TEX2: variants seen among roughly 807,000 people sequenced by gnomAD.
The protein encoded by TEX2 is testis-expressed protein 2.
TEX2 carries 53 observed loss-of-function variants against 106.9 expected under a neutral mutation model. That is an observed-to-expected ratio of 0.50 (90% CI 0.40 to 0.62). The LOEUF (loss-of-function observed/expected upper bound fraction) is 0.62, where lower values mean the gene tolerates loss of function less well. Ranked by LOEUF, TEX2 falls within the 20% of genes least tolerant of loss-of-function variation. The probability of loss-of-function intolerance (pLI) is 0.00; values close to 1 mark genes in which losing one functional copy is unlikely to be tolerated. For missense variants in TEX2, 1,207 were observed against 1,379.0 expected (o/e 0.88, Z 1.98); for synonymous variants, 523 against 534.8 (o/e 0.98, Z 0.30).
chr17:64,150,261 T>TA (rs2030284139), intron 11 of TEX2: 2 of 152,262 alleles, frequency 1.3e-5, no homozygotes, highest in South Asian at 2.1e-4. Context: ...GCTATACTGC[T>TA]ATTACCTTTG....
rs371416472 is a variant in TEX2 at position 64,180,422 on chromosome 17, A to T, written c.2425-2951T>A. On this transcript the variant is annotated intron_variant, in intron 5 of 11. Coordinates refer to ENST00000584379, the MANE Select transcript of TEX2 (RefSeq NM_001288732.2). ...CCGACAAGCAGGTTGTTTTTTCAAC[A>T]GTTCCTTTTTCCAAAATAAGCTTCT... is the stretch of plus-strand genomic sequence containing the variant. 3.7e-4 allele frequency among the ~76,000 whole-genome samples: 56 copies of T among 152,364 alleles called. 1 individual carries two copies. The highest frequency in any genetic ancestry group is 1.3e-3 in the African/African-American group (56 of 41,586).
chr17:64,188,498 A>G, intron 4 of TEX2, 83 bp from the exon 5 acceptor site: 3 of 1,579,778 alleles, frequency 1.9e-6, no homozygotes, highest in South Asian at 1.2e-5. Context: ...AAGCAGCTAC[A>G]ATGCTATCAA....
intron 2 of TEX2, among the ~76,000 whole-genome samples, chr17:64,200,556 T>C (rs782287216): frequency 2.2e-4 from 34 of 152,202 alleles, no homozygotes; most frequent in Non-Finnish European, 5.9e-5. Context: ...GCAATTACCT[T>C]CTTTGCTGAC....
chr17:64,241,574 C>G (rs1435354435), intron 1 of TEX2, among the ~76,000 whole-genome samples: 1 of 152,140 alleles, frequency 6.6e-6, no homozygotes, highest in Admixed American at 6.5e-5. Flanking sequence ...TCAGAAAGAC[C>G]TTCCTGACTA....
chr17:64,151,286 A>G (rs2030342554), intron 10 of TEX2, among the ~76,000 whole-genome samples: 1 of 152,156 alleles, frequency 6.6e-6, no homozygotes, highest in Non-Finnish European at 1.5e-5. Context: ...TTCAATTTTT[A>G]TAAAAGTAGT....
intron 4 of TEX2, 118 bp downstream of exon 4, chr17:64,193,439 CAG>C (rs765705035): frequency 6.0e-5 from 46 of 771,068 alleles, no homozygotes; most frequent in Admixed American, 8.9e-5. Context: ...CATTAGGTGG[CAG>C]ACAACCATCA....
At chr17:64,215,462 T>C (rs1432123315) in intron 1 of TEX2, among the ~76,000 whole-genome samples, 2 of 152,204 alleles carry the variant, frequency 1.3e-5, no homozygotes, top group Non-Finnish European at 2.9e-5. Flanking sequence ...CTGGCTCTAT[T>C]CTGTTTCCAG....
chr17:64,187,849 C>T (rs531269482), intron 5 of TEX2, among the ~76,000 whole-genome samples: 1 of 152,212 alleles, frequency 6.6e-6, no homozygotes, highest in Admixed American at 6.5e-5. Context: ...CCTTCCTGAC[C>T]ACCCATCCAA....
At chr17:64,177,651 G>A (rs1409476429) in intron 5 of TEX2, among the ~76,000 whole-genome samples, 180 bp from the exon 6 acceptor site, 3 of 152,142 alleles carry the variant, frequency 2.0e-5, no homozygotes, top group Non-Finnish European at 4.4e-5. Context: ...GGGGAGAAAC[G>A]AAAGCTGCCA....
intron 4 of TEX2, among the ~76,000 whole-genome samples, chr17:64,191,678 C>T (rs1199729397): frequency 2.6e-5 from 4 of 151,758 alleles, no homozygotes; most frequent in South Asian, 2.1e-4. Flanking sequence ...ATTAGCTGGG[C>T]GTGATGGCGG....
At chr17:64,187,701 A>G (rs2032128383) in intron 5 of TEX2, among the ~76,000 whole-genome samples, 2 of 151,964 alleles carry the variant, frequency 1.3e-5, no homozygotes, top group Non-Finnish European at 2.9e-5. Flanking sequence ...TGTTCCTCGA[A>G]TATTCCAAGC....
At chr17:64,200,838 C>T (rs1555630003) in intron 2 of TEX2, among the ~76,000 whole-genome samples, 1 of 152,046 alleles carries the variant, frequency 6.6e-6, no homozygotes, top group African/African-American at 2.4e-5. Context: ...CTTGGCTTGG[C>T]CCTTCTTCTC....
intron 2 of TEX2, among the ~76,000 whole-genome samples, chr17:64,203,453 A>G (rs2032733604): frequency 6.6e-6 from 1 of 152,226 alleles, no homozygotes; most frequent in Non-Finnish European, 1.5e-5. Flanking sequence ...CTCCAAAACT[A>G]AAACATAAGC....
intron 7 of TEX2, among the ~76,000 whole-genome samples, chr17:64,166,048 C>A (rs1210124617): frequency 6.6e-6 from 1 of 152,108 alleles, no homozygotes; most frequent in Non-Finnish European, 1.5e-5. Flanking sequence ...TGGTCTGCAT[C>A]CTTGGATCAT....
chr17:64,175,032 C>A (rs1470096716), intron 6 of TEX2, among the ~76,000 whole-genome samples: 1 of 152,218 alleles, frequency 6.6e-6, no homozygotes, highest in African/African-American at 2.4e-5. Context: ...AAAGCTCAGG[C>A]TCCTCTAGAT....
intron 1 of TEX2, among the ~76,000 whole-genome samples, chr17:64,215,761 C>T (rs556622082): frequency 2.6e-5 from 4 of 152,296 alleles, no homozygotes; most frequent in African/African-American, 7.2e-5. Context: ...AGTAATCTAC[C>T]ACAATCGACA....
intron 1 of TEX2, among the ~76,000 whole-genome samples, chr17:64,229,936 A>C: frequency 6.6e-6 from 1 of 152,194 alleles, no homozygotes; most frequent in East Asian, 1.9e-4. Context: ...AGAACTCAAA[A>C]AAATTAGCCG....
At chr17:64,181,822 G>GT (rs1345288730) in intron 5 of TEX2, among the ~76,000 whole-genome samples, 1 of 69,016 alleles carries the variant, frequency 1.4e-5, no homozygotes, top group African/African-American at 6.4e-5. Context: ...GGCTGGTTTT[G>GT]TATTTTTTTT....
At chr17:64,239,816 C>T (rs1168648091) in intron 1 of TEX2, among the ~76,000 whole-genome samples, 2 of 124,318 alleles carry the variant, frequency 1.6e-5, no homozygotes, top group Non-Finnish European at 3.2e-5. Context: ...GCAGAGGTTG[C>T]AGTGAGCCAA....
Sources: gnomAD v4.1 joint callset for allele counts (sites outside exome capture counted in the v4.1 genomes callset) on GRCh38, gnomAD v4.1.1 for gene constraint, MANE v1.5 for transcripts, NCBI Gene and HGNC (gene_info 2026-07-23, HGNC 2026-07-21) for gene names.